The following HPCAL1 variants were observed in gnomAD, a reference collection of about 807,000 sequenced individuals.
HPCAL1 encodes the protein hippocalcin-like protein 1.
In HPCAL1, 8 loss-of-function variants were observed where a neutral mutation model predicts 17.1. That is an observed-to-expected ratio of 0.47 (90% CI 0.27 to 0.84). The LOEUF (loss-of-function observed/expected upper bound fraction) is 0.84, where lower values mean the gene tolerates loss of function less well. Ranked by LOEUF, HPCAL1 falls within the 40% of genes least tolerant of loss-of-function variation. HPCAL1 has a pLI of 0.13. For synonymous variants in HPCAL1, 112 were observed against 111.4 expected, an observed-to-expected ratio of 1.01 and a Z score of -0.03; for missense variants, 165 against 271.1, an observed-to-expected ratio of 0.61 and a Z score of 2.75.
At chr2:10,386,945 G>A (rs1374623227) in intron 1 of HPCAL1, among the ~76,000 whole-genome samples, 1 of 152,234 alleles carries the variant, frequency 6.6e-6, no homozygotes, top group Non-Finnish European at 1.5e-5. Context: ...CTCCACATGA[G>A]GCAGGGACAG....
At chr2:10,417,444 C>T (rs1211221271) in intron 2 of HPCAL1, among the ~76,000 whole-genome samples, 4 of 152,176 alleles carry the variant, frequency 2.6e-5, no homozygotes, top group Non-Finnish European at 4.4e-5. Flanking sequence ...TTATTCTTTC[C>T]TCATAAGCCC....
intron 2 of HPCAL1, among the ~76,000 whole-genome samples, chr2:10,404,028 T>C (rs1033176594): frequency 6.6e-6 from 1 of 152,206 alleles, no homozygotes. Flanking sequence ...CTGTTTGTTC[T>C]TTATTGCTCT....
At chr2:10,383,351 G>C (rs1376671604) in intron 1 of HPCAL1, among the ~76,000 whole-genome samples, 1 of 152,010 alleles carries the variant, frequency 6.6e-6, no homozygotes, top group Non-Finnish European at 1.5e-5. Context: ...CAGCCTGGGT[G>C]ACAGAGTGAG....
intron 1 of HPCAL1, among the ~76,000 whole-genome samples, chr2:10,392,730 C>G (rs957466410): frequency 6.6e-6 from 1 of 152,184 alleles, no homozygotes; most frequent in Non-Finnish European, 1.5e-5. Flanking sequence ...AAATAGGAAA[C>G]AGTCCAGCTG....
intron 1 of HPCAL1, among the ~76,000 whole-genome samples, 199 bp downstream of exon 1, chr2:10,303,376 G>A: frequency 6.6e-6 from 1 of 152,200 alleles, no homozygotes; most frequent in Non-Finnish European, 1.5e-5. Context: ...CTTTCGAATG[G>A]CGTGTACTCG....
intron 1 of HPCAL1, among the ~76,000 whole-genome samples, chr2:10,382,593 TAAAAAAAAAAA>T: frequency 7.8e-6 from 1 of 127,998 alleles, no homozygotes; most frequent in East Asian, 2.3e-4. Context: ...GTTCATTAAT[TAAAAAAAAAAA>T]AAAAAAAAAG....
intron 1 of HPCAL1, among the ~76,000 whole-genome samples, chr2:10,378,359 G>A (rs374895758): frequency 6.0e-5 from 9 of 150,924 alleles, no homozygotes; most frequent in East Asian, 3.9e-4. Context: ...TTCCTGTCCC[G>A]ATAAAGGAGG....
Position 10,427,004 on chromosome 2 carries a change from T to G in HPCAL1, c.*183T>G. 1 of 602,714 alleles carries G rather than the reference T, an allele frequency of 1.7e-6. No homozygotes were observed. Among genetic ancestry groups the G allele is most frequent in the South Asian group, 1.9e-5 (1 of 52,984 alleles). The allele number at this position is 602,714 out of a possible 1,614,324, so 37.3% of individuals were successfully genotyped here. A position where few individuals can be genotyped will look rare whatever the true frequency, so the allele number is the denominator to read the frequency against. On this transcript the variant is annotated 3_prime_UTR_variant, in exon 5 of 5. Transcript: ENST00000307845. ...CTCCACCTGACCAACGCGACATTCC[T>G]CCCCTCACGCCTGGCCCGGTCCCTT...
chr2:10,345,638 G>A (rs1459595895), intron 1 of HPCAL1, among the ~76,000 whole-genome samples: 1 of 151,746 alleles, frequency 6.6e-6, no homozygotes, highest in East Asian at 1.9e-4. Flanking sequence ...TGTATTTTTT[G>A]TAGAGACAGG....
At chr2:10,416,029 C>T (rs115989100) in intron 2 of HPCAL1, among the ~76,000 whole-genome samples, 3,386 of 152,314 alleles carry the variant, frequency 0.022, 155 homozygotes, top group African/African-American at 0.078. Flanking sequence ...GTCCTTCTGC[C>T]GTCCATCTGT....
chr2:10,345,007 C>A (rs1572685090), intron 1 of HPCAL1, among the ~76,000 whole-genome samples: 1 of 151,612 alleles, frequency 6.6e-6, no homozygotes, highest in African/African-American at 2.4e-5. Context: ...CTGTGCCTTT[C>A]AGTCTCTTTC....
At chr2:10,319,472 C>T (rs1663531092) in intron 1 of HPCAL1, among the ~76,000 whole-genome samples, 1 of 151,914 alleles carries the variant, frequency 6.6e-6, no homozygotes, top group Admixed American at 6.6e-5. Flanking sequence ...GCACAGACAG[C>T]CAGGCATGGC....
intron 1 of HPCAL1, among the ~76,000 whole-genome samples, chr2:10,378,016 T>C (rs1667689270): frequency 6.6e-6 from 1 of 152,092 alleles, no homozygotes; most frequent in South Asian, 2.1e-4. Context: ...TAATTTCCAG[T>C]CCTGTGACCT....
intron 1 of HPCAL1, among the ~76,000 whole-genome samples, chr2:10,347,278 G>A (rs1572690495): frequency 6.6e-6 from 1 of 152,096 alleles, no homozygotes; most frequent in South Asian, 2.1e-4. Context: ...ACCCTTTTCT[G>A]AGCCTGTCAT....
intron 2 of HPCAL1, among the ~76,000 whole-genome samples, chr2:10,398,460 G>A (rs1159584221): frequency 6.6e-6 from 1 of 152,218 alleles, no homozygotes; most frequent in Non-Finnish European, 1.5e-5. Context: ...AAGCATCACT[G>A]TCTTAATTTC....
At position 10,419,108 on chromosome 2, in the gene HPCAL1, G is replaced by A. The variant is rs766562108; in HGVS notation, c.-24-626G>A. ...TGCCTGTAATCCCAGCTACTCAGGAGGCTGAGGCAGGAGAATTGCTTGAAC... is the reference window on the plus strand; with the variant it reads ...TGCCTGTAATCCCAGCTACTCAGGAAGCTGAGGCAGGAGAATTGCTTGAAC... On this transcript the variant is annotated intron_variant, in intron 2 of 4. Coordinates refer to ENST00000307845, the MANE Select transcript of HPCAL1 (RefSeq NM_002149.4). This position sits in a 1 kb window ranked among gnomAD's most constrained non-coding sequence, Gnocchi z 5.0. 1.3e-5 allele frequency among the ~76,000 whole-genome samples: 2 copies of A among 152,182 alleles called. No homozygotes were observed. The highest frequency in any genetic ancestry group is 2.9e-5 in the Non-Finnish European group (2 of 68,032).
intron 1 of HPCAL1, among the ~76,000 whole-genome samples, chr2:10,383,228 C>G (rs1046288526): frequency 6.6e-6 from 1 of 152,166 alleles, no homozygotes; most frequent in South Asian, 2.1e-4. Flanking sequence ...CAAAACTAGC[C>G]TGGCGTGGTG....
intron 1 of HPCAL1, among the ~76,000 whole-genome samples, chr2:10,332,238 A>T (rs56997645): frequency 0.048 from 7,261 of 152,198 alleles, 499 homozygotes; most frequent in East Asian, 0.33. Flanking sequence ...CCCACCCATG[A>T]TCCCGTCAGC....
intron 1 of HPCAL1, among the ~76,000 whole-genome samples, chr2:10,309,732 C>T (rs1315016014): frequency 6.6e-6 from 1 of 152,182 alleles, no homozygotes; most frequent in Non-Finnish European, 1.5e-5. Context: ...CCTTGGGTGG[C>T]TTGGTGCATT....
Sources: gnomAD v4.1 joint callset for allele counts (sites outside exome capture counted in the v4.1 genomes callset) on GRCh38, gnomAD v4.1.1 for gene constraint, Gnocchi (gnomAD v3.1) non-coding constraint, MANE v1.5 for transcripts, NCBI Gene and HGNC (gene_info 2026-07-23, HGNC 2026-07-21) for gene names.